CFAP46: variants seen among roughly 807,000 people sequenced by gnomAD.
The protein encoded by CFAP46 is cilia and flagella associated protein 46.
A neutral mutation model predicts 325.7 loss-of-function variants in CFAP46; 245 were observed. The observed-to-expected ratio is 0.75, with a 90% CI of 0.68 to 0.84. The LOEUF (loss-of-function observed/expected upper bound fraction) is 0.84, where lower values mean the gene tolerates loss of function less well. Ranked by LOEUF, CFAP46 falls within the 40% of genes least tolerant of loss-of-function variation. CFAP46 has a pLI of 0.00. For synonymous variants in CFAP46, 1,523 were observed against 1,495.9 expected (o/e 1.02, Z -0.42); for missense variants, 3,346 against 3,543.0 (o/e 0.94, Z 1.41).
At chr10:132,811,799 C>G (rs970488558) in intron 55 of CFAP46, among the ~76,000 whole-genome samples, 2 of 152,236 alleles carry the variant, frequency 1.3e-5, no homozygotes, top group Non-Finnish European at 2.9e-5. Context: ...GGCCAAGGCC[C>G]AGGCTTGCAG....
At chr10:132,859,626 G>A (rs945408916) in intron 37 of CFAP46, among the ~76,000 whole-genome samples, 6 of 152,188 alleles carry the variant, frequency 3.9e-5, no homozygotes, top group Admixed American at 2.0e-4. Context: ...GGGCAAGGTC[G>A]GGAGGGAGGC....
rs1848097709 is a variant in CFAP46, at chr10:132,828,562, GTTCT to G, written c.7117+4792_7117+4795del. Among the ~76,000 whole-genome samples the G allele has an allele frequency of 6.6e-6, 1 of 152,104 alleles. No individual in the cohort carries two copies. Among genetic ancestry groups the G allele is most frequent in the Non-Finnish European group, 1.5e-5 (1 of 68,014 alleles). Reference sequence around the variant, plus strand: ...TCTTTCTTATTATTCAGTTTTGAGAGTTCTTTATATAGTCTAAATTTGTTACTGT... The same window carrying G: ...TCTTTCTTATTATTCAGTTTTGAGAGTTATATAGTCTAAATTTGTTACTGT... On this transcript the variant is annotated intron_variant, in intron 50 of 57. Coordinates refer to ENST00000368586, the MANE Select transcript of CFAP46 (RefSeq NM_001200049.3). This position sits in a 1 kb window ranked among gnomAD's most constrained non-coding sequence, Gnocchi z 4.9.
intron 35 of CFAP46, among the ~76,000 whole-genome samples, chr10:132,861,466 T>C (rs1163350959): frequency 6.6e-6 from 1 of 152,220 alleles, no homozygotes; most frequent in Non-Finnish European, 1.5e-5. Flanking sequence ...GGCCCCGTCC[T>C]GGCCCTGTCT....
At chr10:132,938,169 C>A (rs548088495) in intron 5 of CFAP46, among the ~76,000 whole-genome samples, 3 of 152,218 alleles carry the variant, frequency 2.0e-5, no homozygotes, top group African/African-American at 7.2e-5. Context: ...CCAGCAAGGC[C>A]GGCCTGCCCT....
chr10:132,898,190 C>G (rs1005121858), intron 24 of CFAP46, among the ~76,000 whole-genome samples: 2 of 152,218 alleles, frequency 1.3e-5, no homozygotes, highest in African/African-American at 4.8e-5. Flanking sequence ...CAGCCTCTTT[C>G]CAGGAGGAGC....
At chr10:132,916,377 T>C (rs1391843625) in intron 17 of CFAP46, among the ~76,000 whole-genome samples, 172 bp downstream of exon 17, 1 of 152,178 alleles carries the variant, frequency 6.6e-6, no homozygotes, top group African/African-American at 2.4e-5. Context: ...CGTCACCCCA[T>C]TTTCTCTTTC....
chr10:132,939,623 G>A lies in CFAP46; in HGVS notation c.372-870C>T, dbSNP rs192712237. Among the ~76,000 whole-genome samples, 2 of 152,180 alleles carry A rather than the reference G, an allele frequency of 1.3e-5. No homozygotes were observed. The highest frequency in any genetic ancestry group is 4.8e-5 in the African/African-American group (2 of 41,444). ...TACTCAGAGCCACCACGTGACCCTA[G>A]GACAGGACTCATCCTGTTTCCAGGT... On this transcript the variant is annotated intron_variant, in intron 4 of 57. Transcript: ENST00000368586. This position sits in a 1 kb window ranked among gnomAD's most constrained non-coding sequence, Gnocchi z 4.6.
chr10:132,848,665 G>C (rs967340397), intron 41 of CFAP46, among the ~76,000 whole-genome samples: 6 of 152,212 alleles, frequency 3.9e-5, no homozygotes, highest in African/African-American at 1.4e-4. Context: ...GAAGTCACAA[G>C]AACAGCGAAA....
At chr10:132,838,541 G>A (rs755320926) in intron 44 of CFAP46, among the ~76,000 whole-genome samples, 60 of 152,396 alleles carry the variant, frequency 3.9e-4, no homozygotes, top group Admixed American at 1.2e-3. Flanking sequence ...TCTGGCTTGC[G>A]CCGTGGGCTT....
intron 53 of CFAP46, 95 bp from the exon 54 acceptor site, chr10:132,814,349 G>T: frequency 8.8e-7 from 1 of 1,134,280 alleles, no homozygotes; most frequent in Non-Finnish European, 1.3e-6. Context: ...AGCGAATGCA[G>T]GCGCATATAT....
intron 16 of CFAP46, among the ~76,000 whole-genome samples, chr10:132,917,949 T>C (rs1256213807): frequency 1.5e-3 from 100 of 65,032 alleles, no homozygotes; most frequent in African/African-American, 6.8e-3. Context: ...TCAGCACCGA[T>C]GAACCCCCCT....
At chr10:132,818,716 G>A (rs1210412399) in intron 50 of CFAP46, among the ~76,000 whole-genome samples, 4 of 152,060 alleles carry the variant, frequency 2.6e-5, no homozygotes, top group South Asian at 2.1e-4. Context: ...AGCTGGGTAT[G>A]GTGGTGTGCA....
Position 132,909,219 on chromosome 10 carries a change from AC to A in CFAP46, c.2674del (p.Val892Ter), listed in dbSNP as rs974105024. 1.2e-5 allele frequency: 18 copies of A among 1,550,242 alleles called. No homozygotes were observed. The African/African-American group carries it at 2.5e-4, about 21-fold the overall frequency. ...EQGTNEDVSS[V>X]TRVLVALEMY... ...TTCCAAGGCAACGAGGACTCTGGTC[AC>A]CGAGCTGACATCCTCATTGGTGCCC... On this transcript the variant is annotated frameshift_variant, in exon 21 of 58. Coordinates refer to ENST00000368586, the MANE Select transcript of CFAP46 (RefSeq NM_001200049.3). LOFTEE classifies it high-confidence loss of function.
chr10:132,840,447 T>C (rs7100632), intron 44 of CFAP46, among the ~76,000 whole-genome samples: 65,697 of 152,068 alleles, frequency 0.43, 14,437 homozygotes, highest in Admixed American at 0.54. Flanking sequence ...TTTCTGATGT[T>C]GTATTGATTT....
intron 50 of CFAP46, among the ~76,000 whole-genome samples, chr10:132,822,531 CTG>C (rs1442004467): frequency 1.1e-5 from 1 of 94,778 alleles, no homozygotes; most frequent in Non-Finnish European, 2.0e-5. Flanking sequence ...CTGACGTGTG[CTG>C]TGTGCTGACG....
At chr10:132,911,777 C>A (rs1196433459) in intron 19 of CFAP46, among the ~76,000 whole-genome samples, 1 of 152,188 alleles carries the variant, frequency 6.6e-6, no homozygotes, top group Non-Finnish European at 1.5e-5. Flanking sequence ...TTTACTGGGA[C>A]GGCTGCATGT....
chr10:132,810,701 TC>T, intron 56 of CFAP46: 1 of 731,266 alleles, frequency 1.4e-6, no homozygotes, highest in Non-Finnish European at 2.5e-6. Context: ...AACGGGCTCC[TC>T]CAGGGACAGC....
At chr10:132,897,094 T>C (rs1193678169) in intron 24 of CFAP46, among the ~76,000 whole-genome samples, 1 of 152,186 alleles carries the variant, frequency 6.6e-6, no homozygotes, top group Non-Finnish European at 1.5e-5. Flanking sequence ...CCTAATACCA[T>C]ATGCAAAACT....
At position 132,884,884 on chromosome 10, in the gene CFAP46, A is replaced by T. The variant is rs1849098814; in HGVS notation, c.3627+219T>A. 6.6e-6 allele frequency among the ~76,000 whole-genome samples: 1 copy of T among 152,006 alleles called. No individual in the cohort carries two copies. The highest frequency in any genetic ancestry group is 2.1e-4 in the South Asian group (1 of 4,816). Reference sequence around the variant, plus strand: ...ACGAGGACCTGACCACGACCCCTCCATGCTGGAAAGGGACCACTGAAACCA... The same window carrying T: ...ACGAGGACCTGACCACGACCCCTCCTTGCTGGAAAGGGACCACTGAAACCA... On this transcript the variant is annotated intron_variant, in intron 27 of 57. Coordinates refer to ENST00000368586, the MANE Select transcript of CFAP46 (RefSeq NM_001200049.3). This position sits in a 1 kb window ranked among gnomAD's most constrained non-coding sequence, Gnocchi z 5.4.
Sources: allele counts gnomAD v4.1 joint callset (sites outside exome capture counted in the v4.1 genomes callset), GRCh38; gene constraint gnomAD v4.1.1; non-coding constraint Gnocchi (gnomAD v3.1); transcripts MANE v1.5; gene names NCBI Gene and HGNC (gene_info 2026-07-23, HGNC 2026-07-21).